Variants in ARL8A observed in about 807,000 individuals in gnomAD.
ARL8A encodes the protein ARF like GTPase 8A, also known as ADP-ribosylation factor-like protein 8A.
ARL8A carries 10 observed loss-of-function variants against 31.2 expected under a neutral mutation model. That is an observed-to-expected ratio of 0.32 (90% CI 0.20 to 0.54). The LOEUF (loss-of-function observed/expected upper bound fraction) is 0.54. Among genes scored for constraint, ARL8A ranks in the 20% least tolerant of loss-of-function variants. ARL8A has a pLI of 0.93. For synonymous variants in ARL8A, 70 were observed against 86.9 expected, an observed-to-expected ratio of 0.81 and a Z score of 1.08; for missense variants, 129 against 242.8, an observed-to-expected ratio of 0.53 and a Z score of 3.12.
rs374543341 is a variant in ARL8A, at chr1:202,138,567, G to A, written c.124-119C>T. ...AGAGCTTCCTAGACTTCCCACTGTG[G>A]GGTACTCTTGCACATCCTGTGCTTT... On this transcript the variant is annotated intron_variant, in intron 1 of 6. Transcript: ENST00000272217. The surrounding 1 kb of genome is among the most constrained non-coding windows in gnomAD (Gnocchi z 4.4). 51 of 898,308 alleles carry A rather than the reference G, an allele frequency of 5.7e-5. No individual in the cohort carries two copies. The highest frequency in any genetic ancestry group is 4.6e-4 in the East Asian group (18 of 39,518). 55.6% of individuals were successfully genotyped at this position (898,308 alleles called of 1,614,324 possible).
chr1:202,144,644 G>GCGGCCCCTCCCCGGTA lies in ARL8A; in HGVS notation c.-88_-73dup, dbSNP rs1412637565. ...CGCTGCCCTCGCGCTGCGGCCCGGAGCGGCCCCTCCCCGGTACGGCCCGGG... is the reference window on the plus strand; with the variant it reads ...CGCTGCCCTCGCGCTGCGGCCCGGAGCGGCCCCTCCCCGGTACGGCCCCTCCCCGGTACGGCCCGGG... On this transcript the variant is annotated 5_prime_UTR_variant, in exon 1 of 7. Transcript: ENST00000272217. The surrounding 1 kb of genome is among the most constrained non-coding windows in gnomAD (Gnocchi z 5.2). The GCGGCCCCTCCCCGGTA allele has an allele frequency of 1.2e-4, 141 of 1,221,146 alleles. No individual in the cohort carries two copies. The highest frequency in any genetic ancestry group is 1.3e-4 in the Non-Finnish European group (129 of 965,956). 75.6% of individuals were successfully genotyped at this position (1,221,146 alleles called of 1,614,324 possible).
At position 202,144,712 on chromosome 1, in the gene ARL8A, A is replaced by G. The variant is rs939453764; in HGVS notation, c.-140T>C. ...GGCGGAGGCTCGAGCGCGGCTGCCG[A>G]CGACTCGCTGCCCCGGAATCGGCTC... On this transcript the variant is annotated 5_prime_UTR_variant, in exon 1 of 7. Coordinates refer to ENST00000272217, the MANE Select transcript of ARL8A (RefSeq NM_138795.4). The surrounding 1 kb of genome is among the most constrained non-coding windows in gnomAD (Gnocchi z 5.2). 1.5e-5 allele frequency: 13 copies of G among 891,968 alleles called. No individual in the cohort carries two copies. The highest frequency in any genetic ancestry group is 1.8e-5 in the African/African-American group (1 of 55,074). 55.3% of individuals were successfully genotyped at this position (891,968 alleles called of 1,614,324 possible). A position where few individuals can be genotyped will look rare whatever the true frequency, so the allele number is the denominator to read the frequency against.
intron 1 of ARL8A, among the ~76,000 whole-genome samples, chr1:202,143,754 G>A (rs553603105): frequency 6.0e-4 from 92 of 152,328 alleles, no homozygotes; most frequent in African/African-American, 2.2e-3. Context: ...CTCTCTTGTC[G>A]GGAGCACCTG....
Position 202,135,439 on chromosome 1 carries a change from TATAG to T in ARL8A, c.440+16_440+19del. The stretch of plus-strand genomic sequence containing the variant: ...GGGGAATTGGGAGAGCAGAAAGTAA[TATAG>T]AGTCACCCAACTCACATTTTCTCAA... On this transcript the variant is annotated intron_variant, in intron 5 of 6. Coordinates refer to ENST00000272217, the MANE Select transcript of ARL8A (RefSeq NM_138795.4). The surrounding 1 kb of genome is among the most constrained non-coding windows in gnomAD (Gnocchi z 5.3). 1.2e-6 allele frequency: 2 copies of T among 1,612,098 alleles called. No individual in the cohort carries two copies. Among genetic ancestry groups the T allele is most frequent in the African/African-American group, 1.3e-5 (1 of 74,898 alleles).
chr1:202,139,639 T>A (rs1655113560), intron 1 of ARL8A, among the ~76,000 whole-genome samples: 1 of 123,582 alleles, frequency 8.1e-6, no homozygotes, highest in Non-Finnish European at 1.7e-5. Context: ...TTCCTTTTTT[T>A]TTTTTTTTTT....
In ARL8A at chr1:202,136,843, TTTTTC is replaced by T. The variant is rs144866627; in HGVS notation, c.279-1048_279-1044del. Among the ~76,000 whole-genome samples the T allele has an allele frequency of 6.3e-3, 962 of 151,960 alleles. 16 individuals are homozygous for T. Among genetic ancestry groups the T allele is most frequent in the African/African-American group, 0.023 (934 of 41,466 alleles). Reference sequence around the variant, plus strand: ...CTTGGCCTCCCCCTGTGCCCTGCCATTTTTCTTTTCTTTTCTTTTCCTTTTTTTTG... The same window carrying T: ...CTTGGCCTCCCCCTGTGCCCTGCCATTTTTCTTTTCTTTTCCTTTTTTTTG... On this transcript the variant is annotated intron_variant, in intron 3 of 6. Coordinates refer to ENST00000272217, the MANE Select transcript of ARL8A (RefSeq NM_138795.4).
chr1:202,135,452 A>T lies in ARL8A; in HGVS notation c.440+7T>A, dbSNP rs1274504051. ...AGCAGAAAGTAATATAGAGTCACCC[A>T]ACTCACATTTTCTCAATCAGCTCCT... On this transcript the variant is annotated splice_region_variant and intron_variant, in intron 5 of 6. Coordinates refer to ENST00000272217, the MANE Select transcript of ARL8A (RefSeq NM_138795.4). This position sits in a 1 kb window ranked among gnomAD's most constrained non-coding sequence, Gnocchi z 5.3. 1 of 1,613,812 alleles carries T rather than the reference A, an allele frequency of 6.2e-7. No homozygotes were observed.
At chr1:202,136,757 T>A (rs995166965) in intron 3 of ARL8A, among the ~76,000 whole-genome samples, 2 of 152,170 alleles carry the variant, frequency 1.3e-5, no homozygotes, top group African/African-American at 4.8e-5. Flanking sequence ...TTTGTAGAGA[T>A]AGGGTTGCAC....
Position 202,136,862 on chromosome 1 carries a change from T to G in ARL8A, c.279-1062A>C, listed in dbSNP as rs1191775202. ...CTGCCATTTTTCTTTTCTTTTCTTT[T>G]CCTTTTTTTTGAGACAGAGTCTCGC... On this transcript the variant is annotated intron_variant, in intron 3 of 6. Coordinates refer to ENST00000272217, the MANE Select transcript of ARL8A (RefSeq NM_138795.4). 4.0e-5 allele frequency among the ~76,000 whole-genome samples: 6 copies of G among 151,758 alleles called. No homozygotes were observed. The East Asian group carries it at 1.2e-3, about 29-fold the overall frequency.
chr1:202,136,798 A>G (rs1655019122), intron 3 of ARL8A, among the ~76,000 whole-genome samples: 1 of 152,006 alleles, frequency 6.6e-6, no homozygotes, highest in Non-Finnish European at 1.5e-5. Context: ...TGAACTTCTG[A>G]CCTCAAGTAA....
At chr1:202,136,365 C>A (rs958132153) in intron 3 of ARL8A, among the ~76,000 whole-genome samples, 4 of 151,592 alleles carry the variant, frequency 2.6e-5, no homozygotes, top group Non-Finnish European at 5.9e-5. Context: ...CTGCCACCTC[C>A]GCCTGCCAGG....
intron 3 of ARL8A, among the ~76,000 whole-genome samples, chr1:202,136,891 G>C (rs1655022920): frequency 6.6e-6 from 1 of 150,656 alleles, no homozygotes; most frequent in East Asian, 2.0e-4. Context: ...GTCTCGCTTT[G>C]TCGCCCAGGC....
Position 202,144,465 on chromosome 1 carries a change from GA to G in ARL8A, c.107del (p.Phe36SerfsTer4). The G allele has an allele frequency of 6.9e-7, 1 of 1,454,550 alleles. No individual in the cohort carries two copies. The highest frequency in any genetic ancestry group is 9.2e-7 in the Non-Finnish European group (1 of 1,082,074). 90.1% of individuals were successfully genotyped at this position (1,454,550 alleles called of 1,614,324 possible). A position where few individuals can be genotyped will look rare whatever the true frequency, so the allele number is the denominator to read the frequency against. On this transcript the variant is annotated frameshift_variant, in exon 1 of 7. Transcript: ENST00000272217. LOFTEE classifies it high-confidence loss of function. This position sits in a 1 kb window ranked among gnomAD's most constrained non-coding sequence, Gnocchi z 5.2. ...GCCCTCGTACCGCGATCACGTTGACGAAGGTGGTCTTGCCCGAGTACTGAAG... is the reference window on the plus strand; with the variant it reads ...GCCCTCGTACCGCGATCACGTTGACGAGGTGGTCTTGCCCGAGTACTGAAG... ...VGLQYSGKTT[F>X]VNVIASGQFN...
Position 202,134,412 on chromosome 1 carries a change from C to A in ARL8A, c.*55G>T. 1 of 1,570,326 alleles carries A rather than the reference C, an allele frequency of 6.4e-7. No individual in the cohort carries two copies. The highest frequency in any genetic ancestry group is 1.1e-5 in the South Asian group (1 of 90,082). On this transcript the variant is annotated 3_prime_UTR_variant, in exon 7 of 7. Transcript: ENST00000272217. This position sits in a 1 kb window ranked among gnomAD's most constrained non-coding sequence, Gnocchi z 4.2. ...GGACGACAGGGGTGGGCGGGGAGCT[C>A]GGCTTCAGGTTTAGATGATGACGGT...
chr1:202,143,833 C>G (rs901332452), intron 1 of ARL8A, among the ~76,000 whole-genome samples: 1 of 152,228 alleles, frequency 6.6e-6, no homozygotes, highest in Non-Finnish European at 1.5e-5. Flanking sequence ...CCTGGACCCC[C>G]GGCTAGACAC....
chr1:202,140,766 C>T (rs887101465), intron 1 of ARL8A, among the ~76,000 whole-genome samples: 2 of 152,160 alleles, frequency 1.3e-5, no homozygotes, highest in Admixed American at 6.5e-5. Context: ...ATTAAGTGTG[C>T]TGTAATTACC....
rs1439380244 is a variant in ARL8A, at chr1:202,138,209, G to A, written c.204+159C>T. 6.8e-6 allele frequency among the ~76,000 whole-genome samples: 1 copy of A among 147,434 alleles called. No individual in the cohort carries two copies. The highest frequency in any genetic ancestry group is 2.7e-5 in the African/African-American group (1 of 37,184). On this transcript the variant is annotated intron_variant, in intron 2 of 6. Coordinates refer to ENST00000272217, the MANE Select transcript of ARL8A (RefSeq NM_138795.4). The surrounding 1 kb of genome is among the most constrained non-coding windows in gnomAD (Gnocchi z 4.4). ...CCGTCTACCTTAGAAGTCTTCTACT[G>A]TCTTTTCCCAGCTCCTCAGCAGGGG...
chr1:202,138,893 A>T lies in ARL8A; in HGVS notation c.124-445T>A, dbSNP rs1488307914. Among the ~76,000 whole-genome samples the T allele has an allele frequency of 1.3e-5, 2 of 152,246 alleles. No homozygotes were observed. Among genetic ancestry groups the T allele is most frequent in the Admixed American group, 1.3e-4 (2 of 15,284 alleles). ...AAAATCAAACTTTTTAGGGCAGAGT[A>T]TATTGGTCATCCTGAAAATGCAGTG... On this transcript the variant is annotated intron_variant, in intron 1 of 6. Coordinates refer to ENST00000272217, the MANE Select transcript of ARL8A (RefSeq NM_138795.4). This position sits in a 1 kb window ranked among gnomAD's most constrained non-coding sequence, Gnocchi z 4.4.
At chr1:202,137,692 G>A (rs1655050511) in intron 3 of ARL8A, among the ~76,000 whole-genome samples, 1 of 152,186 alleles carries the variant, frequency 6.6e-6, no homozygotes, top group African/African-American at 2.4e-5. Context: ...TTTGGGTTGA[G>A]GGGAGGGAGA....
Sources: allele counts gnomAD v4.1 joint callset (sites outside exome capture counted in the v4.1 genomes callset), GRCh38; gene constraint gnomAD v4.1.1; non-coding constraint Gnocchi (gnomAD v3.1); transcripts MANE v1.5; gene names NCBI Gene and HGNC (gene_info 2026-07-23, HGNC 2026-07-21).